The following CLIP1 variants were observed in gnomAD, a reference collection of about 807,000 sequenced individuals.
CLIP1 encodes CAP-Gly domain-containing linker protein 1.
In CLIP1, 66 loss-of-function variants were observed where a neutral mutation model predicts 161.6. The ratio of observed to expected loss-of-function variants is 0.41; its 90% CI spans 0.33 to 0.50. The LOEUF is 0.50. Ranked by LOEUF, CLIP1 falls within the 20% of genes least tolerant of loss-of-function variation. The pLI is 0.27. For synonymous variants in CLIP1, 598 were observed against 626.2 expected (o/e 0.96, Z 0.67); for missense variants, 1,376 against 1,702.0 (o/e 0.81, Z 3.37).
chr12:122,360,020 C>A (rs527319773), intron 5 of CLIP1, among the ~76,000 whole-genome samples: 4 of 152,236 alleles, frequency 2.6e-5, no homozygotes, highest in Non-Finnish European at 5.9e-5. Context: ...GCTAGTGATT[C>A]TATTTTTACT....
Position 122,347,391 on chromosome 12 carries a change from T to G in CLIP1, c.1490A>C (p.Glu497Ala). The G allele has an allele frequency of 6.2e-7, 1 of 1,612,254 alleles. No individual in the cohort carries two copies. The highest frequency in any genetic ancestry group is 8.5e-7 in the Non-Finnish European group (1 of 1,178,328). Reference protein sequence around the residue: ...EKTKADKLQRELEDTRVATVS... With the variant: ...EKTKADKLQRALEDTRVATVS... ...AACCATTACCCTAGTGTCTTCTAAC[T>G]CCCTCTGGAGTTTGTCAGCTTTGGT... The change falls in exon 10 of 26, where the codon GAG (glutamate) becomes GCG (alanine). Residue 497 changes from glutamate (E) to alanine (A), a missense_variant. By Grantham distance (107) the Glu-to-Ala change is moderately radical (BLOSUM62 -1). Around this residue, in one of 6 missense-constraint regions of CLIP1, gnomAD observed 948 missense variants for 1,134.8 expected, o/e 0.84. Coordinates refer to ENST00000620786, the MANE Select transcript of CLIP1 (RefSeq NM_001247997.2).
chr12:122,397,273 C>A (rs533698274), intron 1 of CLIP1, among the ~76,000 whole-genome samples: 1 of 151,656 alleles, frequency 6.6e-6, no homozygotes, highest in South Asian at 2.1e-4. Context: ...AGCCCAGCAA[C>A]CTCGAAAGCA....
chr12:122,350,408 T>C (rs1288332516), intron 9 of CLIP1, among the ~76,000 whole-genome samples: 1 of 152,056 alleles, frequency 6.6e-6, no homozygotes, highest in South Asian at 2.1e-4. Flanking sequence ...TGTTTGAACT[T>C]GGAGGAAGAA....
intron 1 of CLIP1, among the ~76,000 whole-genome samples, chr12:122,384,372 C>T (rs1593213256): frequency 6.6e-6 from 1 of 152,186 alleles, no homozygotes; most frequent in African/African-American, 2.4e-5. Context: ...CAGGCTTCAG[C>T]TGTGAAGGTA....
At chr12:122,411,106 T>C (rs531828292) in intron 1 of CLIP1, among the ~76,000 whole-genome samples, 152 of 152,240 alleles carry the variant, frequency 1.0e-3, no homozygotes, top group African/African-American at 3.4e-3. Flanking sequence ...AAAGCAAGCA[T>C]ATGTCTACAC....
intron 5 of CLIP1, among the ~76,000 whole-genome samples, chr12:122,356,881 C>A (rs1206726404): frequency 6.6e-6 from 1 of 152,252 alleles, no homozygotes; most frequent in East Asian, 1.9e-4. Context: ...TGCGAGTGAT[C>A]CGCCAGCCTC....
chr12:122,417,015 G>A (rs1183872948), intron 1 of CLIP1, among the ~76,000 whole-genome samples: 2 of 151,216 alleles, frequency 1.3e-5, no homozygotes, highest in African/African-American at 4.9e-5. Flanking sequence ...AAAATTTGCT[G>A]GGCCAGGCGC....
intron 17 of CLIP1, among the ~76,000 whole-genome samples, chr12:122,321,523 C>G (rs578097783): frequency 4.0e-4 from 60 of 150,956 alleles, no homozygotes; most frequent in African/African-American, 1.4e-3. Flanking sequence ...CCACACCTGG[C>G]TGTTCTTTTT....
In CLIP1 at chr12:122,415,351, G is replaced by A. The variant is rs577000419; in HGVS notation, c.-107+7170C>T. 8.6e-5 allele frequency among the ~76,000 whole-genome samples: 13 copies of A among 151,750 alleles called. 1 individual carries two copies. The South Asian group carries it at 1.9e-3, about 22-fold the overall frequency. On this transcript the variant is annotated intron_variant, in intron 1 of 25. Transcript: ENST00000620786. Reference sequence around the variant, plus strand: ...AAAAAAATTAGCCGGGTGTGGTGGCGGGCGCCTGTAGTCCCAGCTACTCGG... The same window carrying A: ...AAAAAAATTAGCCGGGTGTGGTGGCAGGCGCCTGTAGTCCCAGCTACTCGG...
intron 3 of CLIP1, among the ~76,000 whole-genome samples, chr12:122,372,353 G>A (rs957637064): frequency 1.3e-5 from 2 of 151,972 alleles, no homozygotes; most frequent in Admixed American, 6.6e-5. Context: ...CCGGGAGGCG[G>A]AGGTTGCAGT....
intron 3 of CLIP1, among the ~76,000 whole-genome samples, chr12:122,369,517 G>A (rs1253944749): frequency 1.3e-5 from 2 of 151,772 alleles, no homozygotes; most frequent in Non-Finnish European, 1.5e-5. Flanking sequence ...ACTATTTAAT[G>A]AGCTCCTACT....
intron 20 of CLIP1, among the ~76,000 whole-genome samples, chr12:122,294,344 C>CA (rs1210070129): frequency 0.22 from 23,702 of 109,488 alleles, 2,214 homozygotes; most frequent in Middle Eastern, 0.29. Context: ...AAAAAAAAAA[C>CA]AAAAAAAAAA....
Position 122,272,413 on chromosome 12 carries a change from G to T in CLIP1, c.*462C>A, listed in dbSNP as rs747575321. On this transcript the variant is annotated 3_prime_UTR_variant, in exon 26 of 26. Coordinates refer to ENST00000620786, the MANE Select transcript of CLIP1 (RefSeq NM_001247997.2). ...TGAATAAGAATAAAATACTTTAAAT[G>T]AGTAGATGAAAATGCAAAATGGCAC... 18 of 164,198 alleles carry T rather than the reference G, an allele frequency of 1.1e-4. No homozygotes were observed. The highest frequency in any genetic ancestry group is 4.1e-4 in the African/African-American group (17 of 41,662). 10.2% of individuals were successfully genotyped at this position (164,198 alleles called of 1,614,324 possible). A position where few individuals can be genotyped will look rare whatever the true frequency, so the allele number is the denominator to read the frequency against.
intron 3 of CLIP1, among the ~76,000 whole-genome samples, chr12:122,370,724 T>A (rs1298100581): frequency 1.3e-5 from 2 of 152,158 alleles, no homozygotes; most frequent in East Asian, 3.8e-4. Flanking sequence ...TTACTTGACT[T>A]GCACTTTATG....
At chr12:122,282,739 C>CA (rs1955696148) in intron 21 of CLIP1, among the ~76,000 whole-genome samples, 1 of 151,798 alleles carries the variant, frequency 6.6e-6, no homozygotes, top group Non-Finnish European at 1.5e-5. Flanking sequence ...CACAGAGGGA[C>CA]AAAGGCAGCC....
At chr12:122,326,550 G>A (rs537965395) in intron 17 of CLIP1, among the ~76,000 whole-genome samples, 17 of 152,246 alleles carry the variant, frequency 1.1e-4, no homozygotes, top group African/African-American at 3.9e-4. Flanking sequence ...GTAGTGGCAC[G>A]TGCTTTTAGT....
At chr12:122,362,793 A>G (rs933399697) in intron 4 of CLIP1, among the ~76,000 whole-genome samples, 8 of 144,904 alleles carry the variant, frequency 5.5e-5, no homozygotes, top group Admixed American at 1.4e-4. Flanking sequence ...CATTGGAGGG[A>G]AAAAAAAAAA....
intron 15 of CLIP1, among the ~76,000 whole-genome samples, chr12:122,331,527 C>A (rs544582353): frequency 2.6e-4 from 39 of 151,984 alleles, no homozygotes; most frequent in African/African-American, 9.2e-4. Context: ...GTTGGCCCAG[C>A]TGGTCTTGAA....
At chr12:122,325,734 G>GCCT (rs1428428879) in intron 17 of CLIP1, among the ~76,000 whole-genome samples, 5 of 152,112 alleles carry the variant, frequency 3.3e-5, no homozygotes, top group African/African-American at 1.2e-4. Flanking sequence ...GCTCACTGCA[G>GCCT]CCTCCGCCTC....
Sources: allele counts gnomAD v4.1 joint callset (sites outside exome capture counted in the v4.1 genomes callset), GRCh38; gene constraint gnomAD v4.1.1; regional missense constraint gnomAD v4.1.1; transcripts MANE v1.5; gene names NCBI Gene and HGNC (gene_info 2026-07-23, HGNC 2026-07-21).